SOCS7: variants seen among roughly 807,000 people sequenced by gnomAD.
SOCS7 encodes the protein suppressor of cytokine signaling 7.
Under a neutral mutation model 58.9 loss-of-function variants are expected in SOCS7, and 18 were observed. The observed-to-expected ratio is 0.31, with a 90% CI of 0.21 to 0.45. The LOEUF is 0.45. Among genes scored for constraint, SOCS7 ranks in the 20% least tolerant of loss-of-function variants. SOCS7 has a pLI of 1.00. For synonymous variants in SOCS7, 388 were observed against 364.3 expected (o/e 1.06, Z -0.74); for missense variants, 667 against 837.3 (o/e 0.80, Z 2.51).
intron 3 of SOCS7, 116 bp from the exon 4 acceptor site, chr17:38,365,192 G>T (rs2037772994): frequency 2.8e-6 from 2 of 712,206 alleles, no homozygotes; most frequent in South Asian, 2.0e-5. Context: ...CTGGGTGAAG[G>T]TTGGGCCATC....
intron 7 of SOCS7, among the ~76,000 whole-genome samples, chr17:38,387,109 A>ATATATATATATATATATGTATG (rs2038081170): frequency 1.0e-5 from 1 of 99,408 alleles, no homozygotes; most frequent in Non-Finnish European, 1.8e-5. Flanking sequence ...AAAAATATAT[A>ATATATATATATATATATGTATG]TATATATATA....
rs774162486 is a variant in SOCS7 at position 38,366,422 on chromosome 17, G to A, written c.1383+5G>A. The A allele has an allele frequency of 1.9e-6, 3 of 1,614,192 alleles. No individual in the cohort carries two copies. The highest frequency in any genetic ancestry group is 2.5e-6 in the Non-Finnish European group (3 of 1,180,016). ...AGCCTTCGAGAGTTGGAGAAGGTAG[G>A]TGGTACCTAAGGACTGGCAGGTCAC... On this transcript the variant is annotated splice_donor_5th_base_variant and intron_variant, in intron 5 of 9. Coordinates refer to ENST00000612932, the MANE Select transcript of SOCS7 (RefSeq NM_014598.4).
chr17:38,358,600 G>A (rs1555567159), intron 1 of SOCS7, among the ~76,000 whole-genome samples: 1 of 142,352 alleles, frequency 7.0e-6, no homozygotes, highest in Non-Finnish European at 1.5e-5. Flanking sequence ...TTTTTTTATT[G>A]TCATCTAGAT....
Position 38,400,679 on chromosome 17 carries a change from T to C in SOCS7, c.*1197T>C, listed in dbSNP as rs141768666. On this transcript the variant is annotated 3_prime_UTR_variant, in exon 10 of 10. Transcript: ENST00000612932. ...GCAAGGGCTTCTGTATTTTCTTGTG[T>C]TCATTCTAGCAACCCAGACATTTCC... 1 of 152,320 alleles carries C rather than the reference T, an allele frequency of 6.6e-6. No individual in the cohort carries two copies. Among genetic ancestry groups the C allele is most frequent in the African/African-American group, 2.4e-5 (1 of 41,568 alleles). The allele number at this position is 152,320 out of a possible 1,614,324, so 9.4% of individuals were successfully genotyped here. A position where few individuals can be genotyped will look rare whatever the true frequency, so the allele number is the denominator to read the frequency against.
intron 7 of SOCS7, among the ~76,000 whole-genome samples, chr17:38,387,094 A>T (rs1396120670): frequency 1.2e-4 from 11 of 92,468 alleles, no homozygotes; most frequent in African/African-American, 6.1e-4. Context: ...AAAAAAAAAA[A>T]AAAAAAAAAT....
intron 7 of SOCS7, among the ~76,000 whole-genome samples, chr17:38,392,189 T>C (rs574795686): frequency 3.9e-5 from 6 of 152,356 alleles, no homozygotes; most frequent in South Asian, 4.1e-4. Flanking sequence ...GTCAGATTAA[T>C]ACCAGGGAAT....
intron 7 of SOCS7, among the ~76,000 whole-genome samples, chr17:38,392,049 T>C (rs190680864): frequency 7.2e-5 from 11 of 152,344 alleles, no homozygotes; most frequent in Admixed American, 6.5e-4. Context: ...AATGTTCGAC[T>C]TCACCCTTAC....
At chr17:38,357,366 AGTGGTT>A (rs2037653982) in intron 1 of SOCS7, among the ~76,000 whole-genome samples, 1 of 151,950 alleles carries the variant, frequency 6.6e-6, no homozygotes, top group African/African-American at 2.4e-5. Flanking sequence ...TTTTCCATGA[AGTGGTT>A]GTGGTTGGCA....
intron 6 of SOCS7, among the ~76,000 whole-genome samples, chr17:38,376,843 A>C (rs1235139232): frequency 6.6e-6 from 1 of 152,214 alleles, no homozygotes; most frequent in East Asian, 1.9e-4. Context: ...TCAATGATAG[A>C]CTACATATAT....
intron 7 of SOCS7, among the ~76,000 whole-genome samples, chr17:38,384,411 G>GCC (rs2038041185): frequency 6.6e-6 from 1 of 152,002 alleles, no homozygotes; most frequent in Non-Finnish European, 1.5e-5. Flanking sequence ...TCCCACCTCA[G>GCC]CCTCCCAAGT....
At chr17:38,360,098 G>A (rs1046834664) in intron 1 of SOCS7, among the ~76,000 whole-genome samples, 5 of 151,590 alleles carry the variant, frequency 3.3e-5, no homozygotes, top group Non-Finnish European at 4.4e-5. Flanking sequence ...TTTATATACC[G>A]CAAAATTTAC....
intron 2 of SOCS7, 63 bp downstream of exon 2, chr17:38,361,838 G>A: frequency 8.3e-7 from 1 of 1,201,286 alleles, no homozygotes; most frequent in Non-Finnish European, 1.2e-6. Flanking sequence ...GACCTGTTGG[G>A]AAACACTTAC....
chr17:38,371,764 T>G (rs1410563930), intron 6 of SOCS7, among the ~76,000 whole-genome samples: 4 of 150,036 alleles, frequency 2.7e-5, no homozygotes, highest in Non-Finnish European at 5.9e-5. Flanking sequence ...GTTTTTTTTT[T>G]TTTTTTTTTT....
At chr17:38,398,826 T>C (rs548250764) in intron 9 of SOCS7, among the ~76,000 whole-genome samples, 1 of 152,178 alleles carries the variant, frequency 6.6e-6, no homozygotes, top group Admixed American at 6.5e-5. Flanking sequence ...GGTGTGATGG[T>C]TCACGTCTGT....
chr17:38,391,871 C>G (rs1371386489), intron 7 of SOCS7, among the ~76,000 whole-genome samples: 1 of 152,116 alleles, frequency 6.6e-6, no homozygotes, highest in East Asian at 1.9e-4. Context: ...GTCAGAAAAA[C>G]CTTTGGTGTG....
intron 6 of SOCS7, among the ~76,000 whole-genome samples, chr17:38,373,952 G>A (rs930969577): frequency 1.3e-5 from 2 of 152,256 alleles, no homozygotes; most frequent in African/African-American, 2.4e-5. Flanking sequence ...CGGGTGGAGT[G>A]GCTCACGCCT....
At chr17:38,356,242 TGTGGTAGTGTGCAC>T (rs11273838) in intron 1 of SOCS7, among the ~76,000 whole-genome samples, 14,054 of 151,772 alleles carry the variant, frequency 0.093, 740 homozygotes, top group East Asian at 0.19. Context: ...ACCAGTTGGG[TGTGGTAGTGTGCAC>T]CTGTAGTCCC....
At chr17:38,390,355 C>CA (rs1172585746) in intron 7 of SOCS7, among the ~76,000 whole-genome samples, 1 of 152,014 alleles carries the variant, frequency 6.6e-6, no homozygotes, top group African/African-American at 2.4e-5. Flanking sequence ...TGTGAGTCTC[C>CA]AACTTTGTTG....
chr17:38,384,001 G>A (rs946034532), intron 7 of SOCS7, among the ~76,000 whole-genome samples: 2 of 152,134 alleles, frequency 1.3e-5, no homozygotes, highest in Admixed American at 6.5e-5. Context: ...CCCAGTAAGC[G>A]GTTCGTCCTT....
Sources: allele counts gnomAD v4.1 joint callset (sites outside exome capture counted in the v4.1 genomes callset), GRCh38; gene constraint gnomAD v4.1.1; transcripts MANE v1.5; gene names NCBI Gene and HGNC (gene_info 2026-07-23, HGNC 2026-07-21).